DDX39A: variants seen among roughly 807,000 people sequenced by gnomAD.
DDX39A encodes the protein DExD-box helicase 39A, also known as ATP-dependent RNA helicase DDX39A.
In DDX39A, 13 loss-of-function variants were observed where a neutral mutation model predicts 46.3. The ratio of observed to expected loss-of-function variants is 0.28; its 90% CI spans 0.18 to 0.45. The LOEUF is 0.45. DDX39A is among the 20% of genes least tolerant of loss of function. DDX39A has a pLI of 1.00. For synonymous variants in DDX39A, 234 were observed against 224.6 expected, an observed-to-expected ratio of 1.04 and a Z score of -0.38; for missense variants, 352 against 581.8, an observed-to-expected ratio of 0.61 and a Z score of 4.06.
chr19:14,412,995 A>G lies in DDX39A; in HGVS notation c.208+18T>C. The G allele has an allele frequency of 6.2e-7, 1 of 1,611,526 alleles. No individual in the cohort carries two copies. The highest frequency in any genetic ancestry group is 8.5e-7 in the Non-Finnish European group (1 of 1,178,520). ...TTGGTGAGGACCTGGGCAAGAGGAT[A>G]ACACCCAGAAGGCGTACCCTCAGAA... is the stretch of plus-strand genomic sequence containing the variant. On this transcript the variant is annotated intron_variant, in intron 2 of 10. Transcript: ENST00000242776. The surrounding 1 kb of genome is among the most constrained non-coding windows in gnomAD (Gnocchi z 4.4).
rs372005765 is a variant in DDX39A at position 14,411,202 on chromosome 19, G to A, written c.430-30C>T. ...GGGGATGAGGAGGAAACCGCTCCAT[G>A]CTGATACACGGCCCAAGGCCCCAAC... On this transcript the variant is annotated intron_variant, in intron 4 of 10. Transcript: ENST00000242776. This position sits in a 1 kb window ranked among gnomAD's most constrained non-coding sequence, Gnocchi z 4.1. 119 of 1,541,330 alleles carry A rather than the reference G, an allele frequency of 7.7e-5. No individual in the cohort carries two copies. Among genetic ancestry groups the A allele is most frequent in the Non-Finnish European group, 9.5e-5 (109 of 1,144,324 alleles).
Position 14,410,341 on chromosome 19 carries a change from G to A in DDX39A, c.614-7C>T. 6.2e-7 allele frequency: 1 copy of A among 1,612,780 alleles called. No individual in the cohort carries two copies. The highest frequency in any genetic ancestry group is 8.5e-7 in the Non-Finnish European group (1 of 1,178,882). ...TGCACATCCCGCCGCATGTCTAGGT[G>A]GGGAGGGCAAGACATGGGTGGGCAT... On this transcript the variant is annotated splice_region_variant and splice_polypyrimidine_tract_variant and intron_variant, in intron 5 of 10. Coordinates refer to ENST00000242776, the MANE Select transcript of DDX39A (RefSeq NM_005804.4). This position sits in a 1 kb window ranked among gnomAD's most constrained non-coding sequence, Gnocchi z 4.3.
Position 14,410,121 on chromosome 19 carries a change from G to T in DDX39A, c.732+95C>A. 1 of 1,212,652 alleles carries T rather than the reference G, an allele frequency of 8.2e-7. No individual in the cohort carries two copies. Among genetic ancestry groups the T allele is most frequent in the Non-Finnish European group, 1.2e-6 (1 of 824,152 alleles). 75.1% of individuals were successfully genotyped at this position (1,212,652 alleles called of 1,614,324 possible). The stretch of plus-strand genomic sequence containing the variant: ...GGCTCCGCCGGCTCCCAGCATCCCA[G>T]CATCCTCCGTGCCATGTGGGCCGTG... On this transcript the variant is annotated intron_variant, in intron 6 of 10. Transcript: ENST00000242776. The surrounding 1 kb of genome is among the most constrained non-coding windows in gnomAD (Gnocchi z 4.3).
rs1599640417 is a variant in DDX39A, at chr19:14,409,134, C to A, written c.1170G>T (p.Val390=). ...GGATTTTGGCATCATTCTCGTCAGA[C>A]ACAAAAGTGATGGCTAGGCCTTTGG... The part of the protein sequence containing the change: ...FGTKGLAITF[V]SDENDAKILN... The change falls in exon 10 of 11, where the codon GTG becomes GTT. Residue 390 remains valine (V), a synonymous_variant. Coordinates refer to ENST00000242776, the MANE Select transcript of DDX39A (RefSeq NM_005804.4). The surrounding 1 kb of genome is among the most constrained non-coding windows in gnomAD (Gnocchi z 8.3). 1 of 1,614,218 alleles carries A rather than the reference C, an allele frequency of 6.2e-7. No homozygotes were observed. Among genetic ancestry groups the A allele is most frequent in the Non-Finnish European group, 8.5e-7 (1 of 1,180,034 alleles).
In DDX39A at chr19:14,412,291, C is replaced by T. The variant is rs1976623150; in HGVS notation, c.336+260G>A. The stretch of plus-strand genomic sequence containing the variant: ...GCAAGGGGCAAACTGTGGGCACTTT[C>T]CAGTTATTTTGGCTTATTGGCAATT... On this transcript the variant is annotated intron_variant, in intron 3 of 10. Transcript: ENST00000242776. The surrounding 1 kb of genome is among the most constrained non-coding windows in gnomAD (Gnocchi z 4.4). 1 of 423,858 alleles carries T rather than the reference C, an allele frequency of 2.4e-6. No individual in the cohort carries two copies. The highest frequency in any genetic ancestry group is 4.2e-6 in the Non-Finnish European group (1 of 236,014). The allele number at this position is 423,858 out of a possible 1,614,324, so 26.3% of individuals were successfully genotyped here.
upstream of DDX39A, chr19:14,419,346 G>A: frequency 4.5e-6 from 1 of 220,810 alleles, no homozygotes; most frequent in South Asian, 4.3e-5. Flanking sequence ...TCAGACACGA[G>A]TTGCTGCGCT....
intron 1 of DDX39A, among the ~76,000 whole-genome samples, chr19:14,415,437 G>A (rs1323650289): frequency 1.3e-5 from 2 of 151,994 alleles, no homozygotes; most frequent in African/African-American, 4.8e-5. Flanking sequence ...CCTAGTAGCA[G>A]GAGCTACATG....
Position 14,413,319 on chromosome 19 carries a change from G to A in DDX39A, c.-4-95C>T, listed in dbSNP as rs534667874. 3.1e-5 allele frequency: 35 copies of A among 1,142,370 alleles called. No individual in the cohort carries two copies. In the African/African-American group the frequency reaches 4.5e-4, roughly 15 times the overall value. The allele number at this position is 1,142,370 out of a possible 1,614,324, so 70.8% of individuals were successfully genotyped here. On this transcript the variant is annotated intron_variant, in intron 1 of 10. Coordinates refer to ENST00000242776, the MANE Select transcript of DDX39A (RefSeq NM_005804.4). ...TTCTCTGCCGCCTCCTTCCATGAGT[G>A]AGCCCATCAGCTCTACCTGGGCTGC...
At chr19:14,414,936 T>TAAAAAAAAAA (rs1006829482) in intron 1 of DDX39A, among the ~76,000 whole-genome samples, 1 of 72,808 alleles carries the variant, frequency 1.4e-5, no homozygotes. Context: ...CACTCCAGCC[T>TAAAAAAAAAA]AAAAAAAAAA....
Position 14,410,629 on chromosome 19 carries a change from G to A in DDX39A, c.614-295C>T. On this transcript the variant is annotated intron_variant, in intron 5 of 10. Coordinates refer to ENST00000242776, the MANE Select transcript of DDX39A (RefSeq NM_005804.4). This position sits in a 1 kb window ranked among gnomAD's most constrained non-coding sequence, Gnocchi z 4.3. ...GCCTGAGGCAGAGACAGCCGCTGGG[G>A]TGAGAGCTGCAGCTGCCTCCCAGGA... 1 of 526,592 alleles carries A rather than the reference G, an allele frequency of 1.9e-6. No homozygotes were observed. Among genetic ancestry groups the A allele is most frequent in the South Asian group, 2.0e-5 (1 of 48,980 alleles). The allele number at this position is 526,592 out of a possible 1,614,324, so 32.6% of individuals were successfully genotyped here.
In DDX39A at chr19:14,408,950, C is replaced by T. The variant is rs1217352698; in HGVS notation, c.1270G>A (p.Glu424Lys). ...PEEIDISTYI[E>K]QSR ...GCACGTGGTGGTTACCGGCTCTGCT[C>T]GACTGTAAGACATGAGATGCAGTGA... Residue 424 changes from glutamate (E) to lysine (K), a missense_variant and splice_region_variant, in exon 11 of 11, where the codon GAG (glutamate) becomes AAG (lysine). By Grantham distance (56) the Glu-to-Lys change is moderately conservative. Coordinates refer to ENST00000242776, the MANE Select transcript of DDX39A (RefSeq NM_005804.4). 28 of 1,601,184 alleles carry T rather than the reference C, an allele frequency of 1.7e-5. No homozygotes were observed. The highest frequency in any genetic ancestry group is 2.1e-5 in the Non-Finnish European group (25 of 1,171,302).
Position 14,409,899 on chromosome 19 carries a change from G to T in DDX39A, c.733-26C>A. ...CTGTGTGGGAAGGGAGGTGGGAGGG[G>T]CGGGCAGGGATCACCTCTGGGCATC... On this transcript the variant is annotated intron_variant, in intron 6 of 10. Transcript: ENST00000242776. The surrounding 1 kb of genome is among the most constrained non-coding windows in gnomAD (Gnocchi z 8.3). 1 of 1,612,588 alleles carries T rather than the reference G, an allele frequency of 6.2e-7. No individual in the cohort carries two copies.
Position 14,413,210 on chromosome 19 carries a change from T to C in DDX39A, c.11A>G (p.Gln4Arg). MAE[Q>R]DVENDLLDYD... ...ATCCAAAAGATCGTTTTCCACATCCTGTTCTGCCATGATGCTGAGAAGAGA... is the reference window on the plus strand; with the variant it reads ...ATCCAAAAGATCGTTTTCCACATCCCGTTCTGCCATGATGCTGAGAAGAGA... The change falls in exon 2 of 11, where the codon CAG becomes CGG. Residue 4 changes from glutamine to arginine, a missense_variant. Gln to Arg is a conservative substitution (Grantham distance 43). Transcript: ENST00000242776. 3 of 1,613,838 alleles carry C rather than the reference T, an allele frequency of 1.9e-6. No homozygotes were observed. Among genetic ancestry groups the C allele is most frequent in the Non-Finnish European group, 2.5e-6 (3 of 1,179,910 alleles).
chr19:14,409,924 C>T lies in DDX39A; in HGVS notation c.733-51G>A. ...GCGGGCAGGGATCACCTCTGGGCAT[C>T]TCGCCTGCCCAGAACCTTCCAGTGG... On this transcript the variant is annotated intron_variant, in intron 6 of 10. Coordinates refer to ENST00000242776, the MANE Select transcript of DDX39A (RefSeq NM_005804.4). The surrounding 1 kb of genome is among the most constrained non-coding windows in gnomAD (Gnocchi z 8.3). 6.2e-7 allele frequency: 1 copy of T among 1,607,718 alleles called. No homozygotes were observed. The highest frequency in any genetic ancestry group is 8.5e-7 in the Non-Finnish European group (1 of 1,178,158).
Position 14,411,195 on chromosome 19 carries a change from G to A in DDX39A, c.430-23C>T, listed in dbSNP as rs758559729. The A allele has an allele frequency of 5.0e-5, 77 of 1,547,650 alleles. No individual in the cohort carries two copies. Among genetic ancestry groups the A allele is most frequent in the South Asian group, 6.1e-5 (5 of 82,432 alleles). Reference sequence around the variant, plus strand: ...CACCTATGGGGATGAGGAGGAAACCGCTCCATGCTGATACACGGCCCAAGG... The same window carrying A: ...CACCTATGGGGATGAGGAGGAAACCACTCCATGCTGATACACGGCCCAAGG... On this transcript the variant is annotated intron_variant, in intron 4 of 10. Transcript: ENST00000242776. The surrounding 1 kb of genome is among the most constrained non-coding windows in gnomAD (Gnocchi z 4.1).
chr19:14,411,409 C>T lies in DDX39A; in HGVS notation c.429+97G>A. 7.7e-7 allele frequency: 1 copy of T among 1,292,512 alleles called. No homozygotes were observed. The highest frequency in any genetic ancestry group is 1.1e-6 in the Non-Finnish European group (1 of 897,898). 80.1% of individuals were successfully genotyped at this position (1,292,512 alleles called of 1,614,324 possible). A position where few individuals can be genotyped will look rare whatever the true frequency, so the allele number is the denominator to read the frequency against. On this transcript the variant is annotated intron_variant, in intron 4 of 10. Transcript: ENST00000242776. This position sits in a 1 kb window ranked among gnomAD's most constrained non-coding sequence, Gnocchi z 4.1. Reference sequence around the variant, plus strand: ...CCGCAAACCTCAAAGGCAGCTGCCCCTGCCAAGCTTGGTAAATGCTGGCTG... The same window carrying T: ...CCGCAAACCTCAAAGGCAGCTGCCCTTGCCAAGCTTGGTAAATGCTGGCTG...
Position 14,412,249 on chromosome 19 carries a change from G to A in DDX39A, c.336+302C>T, listed in dbSNP as rs1976621317. The A allele has an allele frequency of 5.8e-6, 2 of 347,604 alleles. No homozygotes were observed. Among genetic ancestry groups the A allele is most frequent in the South Asian group, 6.5e-5 (2 of 30,746 alleles). The allele number at this position is 347,604 out of a possible 1,614,324, so 21.5% of individuals were successfully genotyped here. ...TCTAGGTAAGTGGCACGGCAAAACA[G>A]CAACGATGCCTCTGGGGCAAGGGGC... On this transcript the variant is annotated intron_variant, in intron 3 of 10. Coordinates refer to ENST00000242776, the MANE Select transcript of DDX39A (RefSeq NM_005804.4). The surrounding 1 kb of genome is among the most constrained non-coding windows in gnomAD (Gnocchi z 4.4).
Position 14,412,685 on chromosome 19 carries a change from G to T in DDX39A, c.209-7C>A. On this transcript the variant is annotated splice_region_variant and splice_polypyrimidine_tract_variant and intron_variant, in intron 2 of 10. Coordinates refer to ENST00000242776, the MANE Select transcript of DDX39A (RefSeq NM_005804.4). The surrounding 1 kb of genome is among the most constrained non-coding windows in gnomAD (Gnocchi z 4.4). ...GGAATGCACTCATGCTGGACTGCAG[G>T]AGAAGCAGAGCGTGAGGGACGAGAA... 6.3e-7 allele frequency: 1 copy of T among 1,599,992 alleles called. No homozygotes were observed.
At position 14,411,890 on chromosome 19, in the gene DDX39A, A is replaced by G. The variant is rs912527967; in HGVS notation, c.337-292T>C. On this transcript the variant is annotated intron_variant, in intron 3 of 10. Coordinates refer to ENST00000242776, the MANE Select transcript of DDX39A (RefSeq NM_005804.4). This position sits in a 1 kb window ranked among gnomAD's most constrained non-coding sequence, Gnocchi z 4.1. Reference sequence around the variant, plus strand: ...TGGTTAGACCTGGCCTGCCTGGGTGACATGGGACCTGGCTCTCTAAGGATT... The same window carrying G: ...TGGTTAGACCTGGCCTGCCTGGGTGGCATGGGACCTGGCTCTCTAAGGATT... Among the ~76,000 whole-genome samples the G allele has an allele frequency of 4.6e-5, 7 of 152,184 alleles. No homozygotes were observed. Among genetic ancestry groups the G allele is most frequent in the African/African-American group, 1.7e-4 (7 of 41,442 alleles).
Sources: allele counts gnomAD v4.1 joint callset (sites outside exome capture counted in the v4.1 genomes callset), GRCh38; gene constraint gnomAD v4.1.1; non-coding constraint Gnocchi (gnomAD v3.1); transcripts MANE v1.5; gene names NCBI Gene and HGNC (gene_info 2026-07-23, HGNC 2026-07-21).